The following CCNYL1 variants were observed in gnomAD, a reference collection of about 807,000 sequenced individuals.
CCNYL1 encodes the protein cyclin-Y-like protein 1.
A neutral mutation model predicts 44.2 loss-of-function variants in CCNYL1; 16 were observed. That is an observed-to-expected ratio of 0.36 (90% CI 0.25 to 0.55). The LOEUF is 0.55. Among genes scored for constraint, CCNYL1 ranks in the 20% least tolerant of loss-of-function variants. CCNYL1 has a pLI of 0.85. For synonymous variants in CCNYL1, 159 were observed against 163.2 expected (o/e 0.97, Z 0.20); for missense variants, 348 against 451.8 (o/e 0.77, Z 2.08).
chr2:207,728,398 TC>T (rs1480149421), intron 3 of CCNYL1, among the ~76,000 whole-genome samples: 3 of 152,012 alleles, frequency 2.0e-5, no homozygotes, highest in Non-Finnish European at 4.4e-5. Context: ...ATCTCAGCCT[TC>T]CGAGTAACTG....
rs116585982 is a variant in CCNYL1, at chr2:207,738,182, C to T, written c.467+736C>T. Among the ~76,000 whole-genome samples, 227 of 152,090 alleles carry T rather than the reference C, an allele frequency of 1.5e-3. 1 individual carries two copies. The highest frequency in any genetic ancestry group is 2.8e-3 in the Non-Finnish European group (189 of 67,976). ...GTTGGTAAAAGGTATATTTTTAAAG[C>T]TTTCAGATGGTTGTGGGTATTCTTT... is the stretch of plus-strand genomic sequence containing the variant. On this transcript the variant is annotated intron_variant, in intron 5 of 9. Transcript: ENST00000295414.
Position 207,742,649 on chromosome 2 carries a change from TG to T in CCNYL1, c.639+312del, listed in dbSNP as rs148228669. On this transcript the variant is annotated intron_variant, in intron 7 of 9. Coordinates refer to ENST00000295414, the MANE Select transcript of CCNYL1 (RefSeq NM_001330218.2). ...CACATACAAGGCATGGTGGCAGGGC[TG>T]GGGGTGATGGGGAGTGGTAACAAAA... 4.1e-3 allele frequency among the ~76,000 whole-genome samples: 624 copies of T among 152,202 alleles called. 7 individuals carry two copies. The highest frequency in any genetic ancestry group is 0.014 in the African/African-American group (587 of 41,524).
Position 207,723,096 on chromosome 2 carries a change from A to G in CCNYL1, c.221-1704A>G, listed in dbSNP as rs368556184. Among the ~76,000 whole-genome samples the G allele has an allele frequency of 8.5e-5, 13 of 152,224 alleles. 1 individual carries two copies. The highest frequency in any genetic ancestry group is 3.9e-4 in the Admixed American group (6 of 15,276). The stretch of plus-strand genomic sequence containing the variant: ...TTTTCAAGATGTGGAAAAACTTCAA[A>G]CATAATTTTTGTGTGGGTCTTTTAC... On this transcript the variant is annotated intron_variant, in intron 1 of 9. Transcript: ENST00000295414.
chr2:207,736,963 TGGA>T (rs1007539637), intron 4 of CCNYL1, among the ~76,000 whole-genome samples: 6 of 151,866 alleles, frequency 4.0e-5, no homozygotes, highest in Admixed American at 2.0e-4. Flanking sequence ...TCGCCCAGGC[TGGA>T]GTGCAGTGGC....
chr2:207,733,343 T>G (rs1275487786), intron 3 of CCNYL1, among the ~76,000 whole-genome samples: 1 of 152,260 alleles, frequency 6.6e-6, no homozygotes, highest in Non-Finnish European at 1.5e-5. Context: ...AAGTTGTTTT[T>G]GTCATCTTTT....
intron 1 of CCNYL1, among the ~76,000 whole-genome samples, chr2:207,718,465 T>C (rs2091614174): frequency 6.6e-6 from 1 of 150,872 alleles, no homozygotes; most frequent in Non-Finnish European, 1.5e-5. Flanking sequence ...CTGTGATTGC[T>C]CCACTGCCCT....
chr2:207,712,029 C>G lies in CCNYL1; in HGVS notation c.133C>G (p.Pro45Ala). ...GTCCGGGGACGCGGTGGCGGTAGCG[C>G]CCGCTGTGGTGGAGCCTGCCGAGTT... ...AVSGDAVAVAPAVVEPAELDF... is the reference protein window; with the variant it reads ...AVSGDAVAVAAAVVEPAELDF... Residue 45 changes from proline (P) to alanine (A), a missense_variant, in exon 1 of 10, where the codon CCC (proline) becomes GCC (alanine). This residue lies in a region of CCNYL1 where 209 missense variants were observed against 247.7 expected (regional missense o/e 0.84). Coordinates refer to ENST00000295414, the MANE Select transcript of CCNYL1 (RefSeq NM_001330218.2). 3.3e-6 allele frequency: 5 copies of G among 1,511,140 alleles called. No homozygotes were observed. Among genetic ancestry groups the G allele is most frequent in the Non-Finnish European group, 4.4e-6 (5 of 1,129,520 alleles). 93.6% of individuals were successfully genotyped at this position (1,511,140 alleles called of 1,614,324 possible).
At chr2:207,737,341 T>G in intron 4 of CCNYL1, 70 bp from the exon 5 acceptor site, 2 of 1,237,202 alleles carry the variant, frequency 1.6e-6, no homozygotes, top group Non-Finnish European at 2.3e-6. Flanking sequence ...TTCCCTCATT[T>G]AAAAAATGTC....
At chr2:207,738,805 C>A (rs958475574) in intron 5 of CCNYL1, among the ~76,000 whole-genome samples, 2 of 151,910 alleles carry the variant, frequency 1.3e-5, no homozygotes, top group Admixed American at 6.6e-5. Flanking sequence ...CTGCAACCTC[C>A]GCCTCCCGGG....
intron 1 of CCNYL1, among the ~76,000 whole-genome samples, chr2:207,722,301 C>T (rs997243408): frequency 3.9e-5 from 6 of 152,048 alleles, no homozygotes; most frequent in African/African-American, 1.4e-4. Context: ...TCTCGAACTC[C>T]TGACCTCATG....
intron 3 of CCNYL1, among the ~76,000 whole-genome samples, chr2:207,728,520 C>T (rs1267124718): frequency 6.6e-6 from 1 of 152,066 alleles, no homozygotes; most frequent in Non-Finnish European, 1.5e-5. Flanking sequence ...AAGCCATCCA[C>T]CTGCATCAGC....
chr2:207,748,974 TTTA>T (rs1169880056), intron 8 of CCNYL1, among the ~76,000 whole-genome samples: 6 of 152,270 alleles, frequency 3.9e-5, no homozygotes, highest in African/African-American at 1.4e-4. Context: ...GGAAGCAAAA[TTTA>T]TTATTATGAA....
chr2:207,712,558 G>A (rs2091559175), intron 1 of CCNYL1, among the ~76,000 whole-genome samples: 1 of 152,138 alleles, frequency 6.6e-6, no homozygotes, highest in Non-Finnish European at 1.5e-5. Flanking sequence ...GTAAGGGTCT[G>A]ATTGTTCCTT....
chr2:207,715,379 CTTT>C (rs770646092), intron 1 of CCNYL1, among the ~76,000 whole-genome samples: 7 of 100,758 alleles, frequency 6.9e-5, no homozygotes, highest in East Asian at 3.4e-4. Context: ...CAAGCTATTT[CTTT>C]TTTTTTTTTT....
intron 8 of CCNYL1, among the ~76,000 whole-genome samples, chr2:207,749,202 C>G (rs1178658184): frequency 6.6e-6 from 1 of 152,190 alleles, no homozygotes; most frequent in African/African-American, 2.4e-5. Context: ...GCACCAGGAG[C>G]TATGCTACAA....
chr2:207,739,365 C>T (rs1015760713), intron 5 of CCNYL1, among the ~76,000 whole-genome samples: 18 of 152,016 alleles, frequency 1.2e-4, no homozygotes, highest in Admixed American at 1.1e-3. Flanking sequence ...CCTGAGTAGC[C>T]GGGACTGCGG....
intron 3 of CCNYL1, among the ~76,000 whole-genome samples, chr2:207,729,674 T>C (rs2091710370): frequency 1.3e-5 from 2 of 151,998 alleles, no homozygotes; most frequent in South Asian, 4.1e-4. Context: ...CTTTCCTCCT[T>C]CCTTTCCCCT....
chr2:207,713,163 T>C (rs1467153439), intron 1 of CCNYL1, among the ~76,000 whole-genome samples: 3 of 152,286 alleles, frequency 2.0e-5, no homozygotes, highest in Non-Finnish European at 2.9e-5. Context: ...ACTTTAAAAT[T>C]CCCACGGTGG....
chr2:207,737,372 A>C, intron 4 of CCNYL1, 39 bp from the exon 5 acceptor site: 1 of 1,492,280 alleles, frequency 6.7e-7, no homozygotes, highest in Non-Finnish European at 9.3e-7. Context: ...ACAAATGTTT[A>C]AATCAGTTGT....
Sources: gnomAD v4.1 joint callset for allele counts (sites outside exome capture counted in the v4.1 genomes callset) on GRCh38, gnomAD v4.1.1 for gene constraint, gnomAD v4.1.1 regional missense constraint, MANE v1.5 for transcripts, NCBI Gene and HGNC (gene_info 2026-07-23, HGNC 2026-07-21) for gene names.